PABPC1: variants seen among roughly 807,000 people sequenced by gnomAD.
PABPC1 encodes the protein polyadenylate-binding protein 1.
In PABPC1, 4 loss-of-function variants were observed where a neutral mutation model predicts 74.0. That is an observed-to-expected ratio of 0.05 (90% CI 0.03 to 0.12). The LOEUF (loss-of-function observed/expected upper bound fraction) is 0.12, where lower values mean the gene tolerates loss of function less well. Ranked by LOEUF, PABPC1 falls within the 10% of genes least tolerant of loss-of-function variation. The pLI is 1.00. For synonymous variants in PABPC1, 227 were observed against 264.1 expected (o/e 0.86, Z 1.36); for missense variants, 271 against 821.1 (o/e 0.33, Z 8.19).
At position 100,712,630 on chromosome 8, in the gene PABPC1, G is replaced by A. The variant is rs773389521; in HGVS notation, c.876+22C>T. 6 of 1,593,674 alleles carry A rather than the reference G, an allele frequency of 3.8e-6. No homozygotes were observed. In the Admixed American group the frequency reaches 1.1e-4, roughly 29 times the overall value. On this transcript the variant is annotated intron_variant, in intron 6 of 14. Coordinates refer to ENST00000318607, the MANE Select transcript of PABPC1 (RefSeq NM_002568.4). ...GGTTTCCTCATCCCTGTCTTATTTTGGTTGTTCAATTAAAAATGAACCTGG... is the reference window on the plus strand; with the variant it reads ...GGTTTCCTCATCCCTGTCTTATTTTAGTTGTTCAATTAAAAATGAACCTGG...
intron 4 of PABPC1, among the ~76,000 whole-genome samples, chr8:100,713,836 T>TTGAAA (rs148310144): frequency 0.05 from 7,566 of 152,280 alleles, 615 homozygotes; most frequent in African/African-American, 0.17. Context: ...TATTAAGCCT[T>TTGAAA]GGCCTACCCG....
intron 9 of PABPC1, among the ~76,000 whole-genome samples, chr8:100,707,508 G>T (rs1334234726): frequency 6.6e-6 from 1 of 152,196 alleles, no homozygotes; most frequent in Non-Finnish European, 1.5e-5. Context: ...AGGCAGAGAG[G>T]GAGAGGAGAC....
intron 3 of PABPC1, among the ~76,000 whole-genome samples, chr8:100,715,837 C>T (rs1434840233): frequency 6.6e-6 from 1 of 152,144 alleles, no homozygotes; most frequent in Non-Finnish European, 1.5e-5. Context: ...CACTTCTCTT[C>T]TCTAGCTAAC....
Position 100,718,296 on chromosome 8 carries a change from T to A in PABPC1, c.194-16A>T, listed in dbSNP as rs1810723659. The A allele has an allele frequency of 6.2e-7, 1 of 1,602,700 alleles. No individual in the cohort carries two copies. The highest frequency in any genetic ancestry group is 1.3e-5 in the African/African-American group (1 of 74,514). On this transcript the variant is annotated splice_polypyrimidine_tract_variant and intron_variant, in intron 1 of 14. Coordinates refer to ENST00000318607, the MANE Select transcript of PABPC1 (RefSeq NM_002568.4). ...GCACGCTCCGCTGCAGGAAGGACATTTTCAGAGTCAATATTACTTCAAAAT... is the reference window on the plus strand; with the variant it reads ...GCACGCTCCGCTGCAGGAAGGACATATTCAGAGTCAATATTACTTCAAAAT...
At position 100,703,006 on chromosome 8, in the gene PABPC1, A is replaced by G; in HGVS notation, c.*355T>C. ...TATCAATTCTGTTACTTAAAACAGA[A>G]CTGACATTCTGAGCTATTCCACAGT... On this transcript the variant is annotated 3_prime_UTR_variant, in exon 15 of 15. Transcript: ENST00000318607. 6.4e-6 allele frequency: 1 copy of G among 155,934 alleles called. No individual in the cohort carries two copies. 9.7% of individuals were successfully genotyped at this position (155,934 alleles called of 1,614,324 possible).
rs1450967434 is a variant in PABPC1 at position 100,722,057 on chromosome 8, C to G, written c.-474G>C. 1 of 152,874 alleles carries G rather than the reference C, an allele frequency of 6.5e-6. No individual in the cohort carries two copies. 9.5% of individuals were successfully genotyped at this position (152,874 alleles called of 1,614,324 possible). A position where few individuals can be genotyped will look rare whatever the true frequency, so the allele number is the denominator to read the frequency against. ...TTCCGAGCCCGGAGCACACACTCCG[C>G]ACTCTCAGCACTAACCGCCGGGGAG... On this transcript the variant is annotated 5_prime_UTR_variant, in exon 1 of 15. Transcript: ENST00000318607.
intron 1 of PABPC1, among the ~76,000 whole-genome samples, chr8:100,720,043 A>C (rs1200361271): frequency 6.6e-6 from 1 of 152,236 alleles, no homozygotes; most frequent in East Asian, 1.9e-4. Flanking sequence ...CAGTAACCTA[A>C]GTTCTACTGA....
chr8:100,704,814 A>G, intron 13 of PABPC1, 112 bp downstream of exon 13: 3 of 1,071,930 alleles, frequency 2.8e-6, no homozygotes, highest in Non-Finnish European at 4.1e-6. Flanking sequence ...AGACTTTACA[A>G]CTGTACATGG....
chr8:100,707,605 G>A (rs914848070), intron 9 of PABPC1, among the ~76,000 whole-genome samples: 10 of 152,248 alleles, frequency 6.6e-5, no homozygotes, highest in African/African-American at 2.4e-4. Flanking sequence ...CTAGAAGGCA[G>A]AGCCAGGTGT....
intron 6 of PABPC1, 46 bp from the exon 7 acceptor site, chr8:100,712,503 T>TA: frequency 2.0e-6 from 3 of 1,470,474 alleles, no homozygotes; most frequent in South Asian, 1.2e-5. Flanking sequence ...ACCATGGTGG[T>TA]ACCTAAGTAC....
At chr8:100,708,827 G>A (rs963164735) in intron 9 of PABPC1, among the ~76,000 whole-genome samples, 6 of 151,836 alleles carry the variant, frequency 4.0e-5, no homozygotes, top group African/African-American at 1.2e-4. Flanking sequence ...GCAGTGAGCC[G>A]AAACTGAGCC....
intron 12 of PABPC1, 49 bp from the exon 13 acceptor site, chr8:100,705,105 A>T: frequency 6.5e-7 from 1 of 1,530,846 alleles, no homozygotes; most frequent in Non-Finnish European, 9.0e-7. Context: ...AAAAGTTTTT[A>T]ACTGCATTGA....
At position 100,712,540 on chromosome 8, in the gene PABPC1, T is replaced by A. The variant is rs997884263; in HGVS notation, c.877-83A>T. ...TCGGGTCTATTATTTTACCCCATAT[T>A]TCTTCTCCTATTCCCCTCTCAAACC... On this transcript the variant is annotated intron_variant, in intron 6 of 14. Coordinates refer to ENST00000318607, the MANE Select transcript of PABPC1 (RefSeq NM_002568.4). 5 of 1,465,682 alleles carry A rather than the reference T, an allele frequency of 3.4e-6. No homozygotes were observed. In the African/African-American group the frequency reaches 7.1e-5, roughly 21 times the overall value. 90.8% of individuals were successfully genotyped at this position (1,465,682 alleles called of 1,614,324 possible).
chr8:100,703,430 A>T (rs1810296826), intron 14 of PABPC1, 71 bp from the exon 15 acceptor site: 1 of 152,530 alleles, frequency 6.6e-6, no homozygotes, highest in South Asian at 2.1e-4. Flanking sequence ...GCCCTTAGCC[A>T]AATGCAATGT....
intron 13 of PABPC1, among the ~76,000 whole-genome samples, chr8:100,704,610 C>T (rs1232613888): frequency 1.3e-5 from 2 of 152,154 alleles, no homozygotes; most frequent in Admixed American, 1.3e-4. Context: ...CCTTGTCCTC[C>T]CCACACTCGA....
chr8:100,718,222 G>C lies in PABPC1; in HGVS notation c.252C>G (p.Ile84Met). Residue 84 changes from isoleucine (I) to methionine (M), a missense_variant, in exon 2 of 15, where the codon ATC (isoleucine) becomes ATG (methionine). Coordinates refer to ENST00000318607, the MANE Select transcript of PABPC1 (RefSeq NM_002568.4). ...FDVIKGKPVR[I>M]MWSQRDPSLR... ...GTGATGGATCACGCTGAGACCACAT[G>C]ATGCGTACTGGCTTGCCCTTTATAA... 1 of 1,614,230 alleles carries C rather than the reference G, an allele frequency of 6.2e-7. No homozygotes were observed. Among genetic ancestry groups the C allele is most frequent in the African/African-American group, 1.3e-5 (1 of 75,064 alleles).
At position 100,715,122 on chromosome 8, in the gene PABPC1, T is replaced by TACACACACACAC. The variant is rs56819980; in HGVS notation, c.643+328_643+339dup. On this transcript the variant is annotated intron_variant, in intron 4 of 14. Coordinates refer to ENST00000318607, the MANE Select transcript of PABPC1 (RefSeq NM_002568.4). ...CTTCTGATGACATGGGATCTCTAATTACACACACACACACACACACACACA... is the reference window on the plus strand; with the variant it reads ...CTTCTGATGACATGGGATCTCTAATTACACACACACACACACACACACACACACACACACACA... 3.3e-3 allele frequency among the ~76,000 whole-genome samples: 439 copies of TACACACACACAC among 131,388 alleles called. 1 individual carries two copies. Among genetic ancestry groups the TACACACACACAC allele is most frequent in the African/African-American group, 0.011 (394 of 35,860 alleles). The allele number at this position is 131,388 out of a possible 152,430, so 86.2% of individuals were successfully genotyped here. A position where few individuals can be genotyped will look rare whatever the true frequency, so the allele number is the denominator to read the frequency against.
intron 1 of PABPC1, among the ~76,000 whole-genome samples, chr8:100,719,190 C>T (rs573602661): frequency 1.1e-4 from 16 of 152,206 alleles, no homozygotes; most frequent in African/African-American, 3.4e-4. Context: ...GACTAGTCCC[C>T]GAAGAGAGGG....
chr8:100,713,971 A>T (rs1029624416), intron 4 of PABPC1, among the ~76,000 whole-genome samples: 1 of 152,212 alleles, frequency 6.6e-6, no homozygotes, highest in Non-Finnish European at 1.5e-5. Context: ...CTGGAAGAGG[A>T]AGCATTTATT....
Sources: gnomAD v4.1 joint callset for allele counts (sites outside exome capture counted in the v4.1 genomes callset) on GRCh38, gnomAD v4.1.1 for gene constraint, MANE v1.5 for transcripts, NCBI Gene and HGNC (gene_info 2026-07-23, HGNC 2026-07-21) for gene names.